NRXN3: variants seen among roughly 807,000 people sequenced by gnomAD.
The protein encoded by NRXN3 is neurexin 3.
NRXN3 carries 32 observed loss-of-function variants against 137.6 expected under a neutral mutation model. That is an observed-to-expected ratio of 0.23 (90% CI 0.18 to 0.31). The LOEUF (loss-of-function observed/expected upper bound fraction) is 0.31. Ranked by LOEUF, NRXN3 falls within the 10% of genes least tolerant of loss-of-function variation. The pLI is 1.00. For missense variants in NRXN3, 1,574 were observed against 2,062.5 expected, an observed-to-expected ratio of 0.76 and a Z score of 4.59; for synonymous variants, 798 against 784.5, an observed-to-expected ratio of 1.02 and a Z score of -0.29.
intron 16 of NRXN3, among the ~76,000 whole-genome samples, chr14:79,616,918 A>G (rs1274165887): frequency 6.6e-6 from 1 of 152,186 alleles, no homozygotes; most frequent in Non-Finnish European, 1.5e-5. Context: ...AGCTGAATTC[A>G]TACCACCCAT....
intron 4 of NRXN3, among the ~76,000 whole-genome samples, chr14:78,459,121 G>C (rs1382838241): frequency 6.6e-6 from 1 of 152,118 alleles, no homozygotes; most frequent in African/African-American, 2.4e-5. Context: ...TAACATACTG[G>C]GGTTTCTACT....
intron 3 of NRXN3, among the ~76,000 whole-genome samples, chr14:78,295,641 G>T (rs1357247269): frequency 1.3e-5 from 2 of 152,160 alleles, no homozygotes; most frequent in Admixed American, 6.5e-5. Flanking sequence ...TGGGCAACTT[G>T]TTTAAAATTC....
chr14:78,456,857 T>TTTCTTTC (rs1567645225), intron 4 of NRXN3, among the ~76,000 whole-genome samples: 141 of 29,078 alleles, frequency 4.8e-3, no homozygotes, highest in Non-Finnish European at 9.9e-3. Context: ...TTCTTTCTTT[T>TTTCTTTC]TCTCTTTCTT....
chr14:78,213,201 C>G (rs1296953075), intron 1 of NRXN3, among the ~76,000 whole-genome samples: 1 of 152,148 alleles, frequency 6.6e-6, no homozygotes, highest in African/African-American at 2.4e-5. Context: ...CTGCCTGAGT[C>G]CCAGAGAGCC....
chr14:79,541,651 T>A (rs116532509), intron 16 of NRXN3, among the ~76,000 whole-genome samples: 1,877 of 152,250 alleles, frequency 0.012, 33 homozygotes, highest in African/African-American at 0.043. Context: ...CCTGACAAGG[T>A]GAGTCTCAAG....
chr14:79,453,627 A>G (rs1263151853), intron 15 of NRXN3, among the ~76,000 whole-genome samples: 4 of 152,232 alleles, frequency 2.6e-5, no homozygotes, highest in Non-Finnish European at 2.9e-5. Context: ...GGGACTTAAA[A>G]TCATGGTTGT....
intron 15 of NRXN3, among the ~76,000 whole-genome samples, chr14:79,325,356 T>C (rs2090696775): frequency 6.6e-6 from 1 of 152,156 alleles, no homozygotes; most frequent in Non-Finnish European, 1.5e-5. Context: ...CACACTTGCC[T>C]CACATGTTGG....
intron 16 of NRXN3, among the ~76,000 whole-genome samples, chr14:79,529,757 T>C (rs1396531359): frequency 1.3e-5 from 2 of 152,182 alleles, no homozygotes; most frequent in Non-Finnish European, 2.9e-5. Flanking sequence ...TGGAATGAGG[T>C]CTAGAGAGAG....
At position 79,079,351 on chromosome 14, in the gene NRXN3, A is replaced by G. The variant is rs532771810; in HGVS notation, c.3262+91210A>G. The stretch of plus-strand genomic sequence containing the variant: ...GCATGTCCTTTTCTCATTTTAAAAT[A>G]ACAACTGGAAGGAAAATATAAATAT... On this transcript the variant is annotated intron_variant, in intron 15 of 20. Transcript: ENST00000335750. 2.6e-5 allele frequency among the ~76,000 whole-genome samples: 4 copies of G among 152,336 alleles called. No individual in the cohort carries two copies. In the South Asian group the frequency reaches 8.3e-4, roughly 32 times the overall value.
intron 16 of NRXN3, among the ~76,000 whole-genome samples, chr14:79,521,293 A>G (rs1394118135): frequency 6.6e-6 from 1 of 151,930 alleles, no homozygotes; most frequent in Non-Finnish European, 1.5e-5. Context: ...ATGTTTTGCT[A>G]TTTAAGAGTT....
intron 1 of NRXN3, among the ~76,000 whole-genome samples, chr14:78,217,735 C>T (rs893672518): frequency 5.9e-5 from 9 of 152,184 alleles, no homozygotes; most frequent in African/African-American, 1.9e-4. Flanking sequence ...GATCTTGGCT[C>T]ACTGCAAACT....
At chr14:78,951,338 G>T (rs1277541973) in intron 10 of NRXN3, among the ~76,000 whole-genome samples, 2 of 152,034 alleles carry the variant, frequency 1.3e-5, no homozygotes, top group African/African-American at 4.8e-5. Flanking sequence ...ATGTGATCTG[G>T]ACTCTGCCTA....
intron 14 of NRXN3, among the ~76,000 whole-genome samples, chr14:78,982,026 CAA>C (rs2099490662): frequency 3.3e-5 from 5 of 152,008 alleles, no homozygotes. Context: ...TTGGGAATAC[CAA>C]AGAGTTCTTG....
chr14:78,609,875 C>T (rs988668954), intron 4 of NRXN3, among the ~76,000 whole-genome samples: 3 of 152,122 alleles, frequency 2.0e-5, no homozygotes, highest in African/African-American at 7.2e-5. Flanking sequence ...ATACCTGGCA[C>T]ACAATTTTCA....
chr14:79,217,814 A>C (rs2068811756), intron 15 of NRXN3, among the ~76,000 whole-genome samples: 1 of 152,210 alleles, frequency 6.6e-6, no homozygotes, highest in Non-Finnish European at 1.5e-5. Context: ...ATGTGCAGCC[A>C]ATCTTGAGAA....
Position 78,432,279 on chromosome 14 carries a change from A to G in NRXN3, c.757+134419A>G, listed in dbSNP as rs1469482463. ...AGTGTGTGTATGGCTTGCCAGACCC[A>G]TCTTCCAAAGCTGCACTCAGGTTTT... is the stretch of plus-strand genomic sequence containing the variant. On this transcript the variant is annotated intron_variant, in intron 4 of 20. Coordinates refer to ENST00000335750, the MANE Select transcript of NRXN3 (RefSeq NM_001330195.2). 3.3e-5 allele frequency among the ~76,000 whole-genome samples: 5 copies of G among 149,914 alleles called. No individual in the cohort carries two copies. In the East Asian group the frequency reaches 7.8e-4, roughly 23 times the overall value.
At chr14:79,524,131 CAA>C (rs2097096544) in intron 16 of NRXN3, among the ~76,000 whole-genome samples, 2 of 152,322 alleles carry the variant, frequency 1.3e-5, no homozygotes, top group East Asian at 3.9e-4. Flanking sequence ...CTTCAGCAAA[CAA>C]AGGCAGAGAT....
chr14:78,861,589 G>T (rs923008618), intron 10 of NRXN3, among the ~76,000 whole-genome samples: 2 of 152,040 alleles, frequency 1.3e-5, no homozygotes, highest in Non-Finnish European at 2.9e-5. Flanking sequence ...CCTGTCATAT[G>T]CACCCTTCTT....
intron 2 of NRXN3, among the ~76,000 whole-genome samples, chr14:78,259,015 C>G (rs1447928107): frequency 2.6e-5 from 4 of 151,774 alleles, no homozygotes; most frequent in African/African-American, 9.7e-5. Flanking sequence ...GCCTGTAATC[C>G]CAGCTACTTG....
Sources: allele counts gnomAD v4.1 joint callset (sites outside exome capture counted in the v4.1 genomes callset), GRCh38; gene constraint gnomAD v4.1.1; transcripts MANE v1.5; gene names NCBI Gene and HGNC (gene_info 2026-07-23, HGNC 2026-07-21).